Variants in ANKFN1 observed in about 807,000 individuals in gnomAD.
ANKFN1 encodes ankyrin repeat and fibronectin type III domain containing 1.
Under a neutral mutation model 108.7 loss-of-function variants are expected in ANKFN1, and 74 were observed. The observed-to-expected ratio is 0.68, with a 90% CI of 0.56 to 0.83. The LOEUF is 0.83. Ranked by LOEUF, ANKFN1 falls within the 40% of genes least tolerant of loss-of-function variation. ANKFN1 has a pLI of 0.00. For missense variants in ANKFN1, 1,505 were observed against 1,382.3 expected (o/e 1.09, Z -1.41); for synonymous variants, 547 against 516.2 (o/e 1.06, Z -0.81).
At chr17:56,130,722 C>T (rs937748152) in intron 4 of ANKFN1, among the ~76,000 whole-genome samples, 1 of 152,146 alleles carries the variant, frequency 6.6e-6, no homozygotes, top group African/African-American at 2.4e-5. Flanking sequence ...GTTCACTTTG[C>T]TGAAACTGAA....
At chr17:56,464,345 C>G (rs957595036) in intron 14 of ANKFN1, among the ~76,000 whole-genome samples, 2 of 152,240 alleles carry the variant, frequency 1.3e-5, no homozygotes, top group African/African-American at 4.8e-5. Flanking sequence ...TCACATTTTC[C>G]GGCGTCTTAA....
At chr17:56,109,868 A>G (rs1598097881) in intron 4 of ANKFN1, among the ~76,000 whole-genome samples, 1 of 152,220 alleles carries the variant, frequency 6.6e-6, no homozygotes, top group East Asian at 1.9e-4. Context: ...AGAGTTCACT[A>G]CTTGGGAACT....
intron 3 of ANKFN1, among the ~76,000 whole-genome samples, chr17:56,321,160 G>A (rs771539441): frequency 6.6e-6 from 1 of 151,906 alleles, no homozygotes; most frequent in Non-Finnish European, 1.5e-5. Context: ...TGAGAGGGAG[G>A]AGGAAGAAGA....
intron 8 of ANKFN1, among the ~76,000 whole-genome samples, chr17:56,408,989 A>G (rs2048005049): frequency 6.6e-6 from 1 of 151,562 alleles, no homozygotes; most frequent in Non-Finnish European, 1.5e-5. Context: ...CAATGGCGCA[A>G]TCTCAGCTCA....
At chr17:56,303,965 G>A (rs1291418464) in intron 3 of ANKFN1, among the ~76,000 whole-genome samples, 1 of 151,444 alleles carries the variant, frequency 6.6e-6, no homozygotes, top group Non-Finnish European at 1.5e-5. Flanking sequence ...CAAAGTGCTG[G>A]GATTACAGGC....
intron 4 of ANKFN1, among the ~76,000 whole-genome samples, chr17:56,329,625 C>CCT (rs1441646150): frequency 6.6e-6 from 1 of 152,152 alleles, no homozygotes; most frequent in Non-Finnish European, 1.5e-5. Context: ...TTTAATAGTG[C>CCT]CTCAATTTCT....
intron 4 of ANKFN1, among the ~76,000 whole-genome samples, chr17:56,144,621 T>C (rs549097983): frequency 6.6e-6 from 1 of 152,124 alleles, no homozygotes; most frequent in African/African-American, 2.4e-5. Flanking sequence ...AAAAGATGGG[T>C]TTTTTTCCTC....
At position 56,511,399 on chromosome 17, in the gene ANKFN1, C is replaced by T. The variant is rs1418807648; in HGVS notation, c.*130C>T. On this transcript the variant is annotated 3_prime_UTR_variant, in exon 21 of 21. Coordinates refer to ENST00000682825, the MANE Select transcript of ANKFN1 (RefSeq NM_001370326.1). ...TTGAATGTTATAAATACAAAGGTTA[C>T]AAGTTCAAGGTCCTCTTTTTTTGGA... The T allele has an allele frequency of 5.6e-6, 6 of 1,074,810 alleles. No individual in the cohort carries two copies. The East Asian group carries it at 1.1e-4, about 19-fold the overall frequency. 66.6% of individuals were successfully genotyped at this position (1,074,810 alleles called of 1,614,324 possible).
intron 3 of ANKFN1, among the ~76,000 whole-genome samples, chr17:56,257,025 G>A (rs1174167260): frequency 6.6e-6 from 1 of 152,222 alleles, no homozygotes; most frequent in Non-Finnish European, 1.5e-5. Flanking sequence ...GGTGACCTTA[G>A]TGAAGTCACT....
At chr17:56,056,174 T>C (rs901681870) in intron 4 of ANKFN1, among the ~76,000 whole-genome samples, 8 of 152,220 alleles carry the variant, frequency 5.3e-5, no homozygotes, top group African/African-American at 1.9e-4. Flanking sequence ...ATTCTGTTGG[T>C]TGGTTGTTTA....
At chr17:56,163,821 C>T (rs1460658648) in intron 1 of ANKFN1, among the ~76,000 whole-genome samples, 3 of 152,152 alleles carry the variant, frequency 2.0e-5, no homozygotes, top group African/African-American at 7.2e-5. Flanking sequence ...TCTGAACAAA[C>T]ACACAAGCTA....
At chr17:56,307,019 A>G (rs1233026977) in intron 3 of ANKFN1, among the ~76,000 whole-genome samples, 2 of 152,236 alleles carry the variant, frequency 1.3e-5, no homozygotes, top group Non-Finnish European at 2.9e-5. Flanking sequence ...AAAACTGGCT[A>G]GCCATATGTA....
intron 4 of ANKFN1, among the ~76,000 whole-genome samples, chr17:56,100,066 G>A (rs1221658753): frequency 1.3e-5 from 2 of 152,242 alleles, no homozygotes; most frequent in Non-Finnish European, 2.9e-5. Flanking sequence ...CAAATTAGAT[G>A]CAAGTGAACC....
chr17:56,175,342 A>G (rs1911049852), intron 1 of ANKFN1, among the ~76,000 whole-genome samples: 1 of 152,198 alleles, frequency 6.6e-6, no homozygotes. Context: ...ACTAACAAAC[A>G]AAAAAATAAC....
intron 4 of ANKFN1, among the ~76,000 whole-genome samples, chr17:56,128,061 C>G (rs889657909): frequency 1.3e-5 from 2 of 152,148 alleles, no homozygotes; most frequent in African/African-American, 4.8e-5. Context: ...CTTTTCCTTC[C>G]CAGGATCTTC....
chr17:56,372,925 T>C, intron 7 of ANKFN1, 85 bp downstream of exon 7: 1 of 1,410,668 alleles, frequency 7.1e-7, no homozygotes, highest in East Asian at 2.3e-5. Flanking sequence ...GATTTTTTTT[T>C]TCAGCTCTAC....
chr17:56,347,114 T>C (rs145799004), intron 4 of ANKFN1, among the ~76,000 whole-genome samples: 28 of 152,056 alleles, frequency 1.8e-4, no homozygotes, highest in African/African-American at 6.7e-4. Flanking sequence ...CACCCTTCCC[T>C]CTAATAGTTT....
intron 4 of ANKFN1, among the ~76,000 whole-genome samples, chr17:56,140,536 C>T (rs144316950): frequency 6.6e-6 from 1 of 152,316 alleles, no homozygotes; most frequent in African/African-American, 2.4e-5. Flanking sequence ...CAAAGTCCAA[C>T]CAAACTTCTT....
chr17:56,371,016 A>T (rs541031593), intron 6 of ANKFN1, among the ~76,000 whole-genome samples: 1 of 151,566 alleles, frequency 6.6e-6, no homozygotes, highest in Non-Finnish European at 1.5e-5. Flanking sequence ...CAGCACTTAT[A>T]TTATCATTTA....
Sources: allele counts gnomAD v4.1 joint callset (sites outside exome capture counted in the v4.1 genomes callset), GRCh38; gene constraint gnomAD v4.1.1; transcripts MANE v1.5; gene names NCBI Gene and HGNC (gene_info 2026-07-23, HGNC 2026-07-21).